CD46: variants seen among roughly 807,000 people sequenced by gnomAD.
CD46 encodes the protein CD46 molecule, also known as membrane cofactor protein.
A neutral mutation model predicts 53.3 loss-of-function variants in CD46; 30 were observed. That is an observed-to-expected ratio of 0.56 (90% confidence interval 0.42 to 0.76). The LOEUF is 0.76. CD46 is among the 30% of genes least tolerant of loss of function. CD46 has a pLI of 0.00. For missense variants in CD46, 409 were observed against 463.0 expected, an observed-to-expected ratio of 0.88 and a Z score of 1.07; for synonymous variants, 142 against 152.0, an observed-to-expected ratio of 0.93 and a Z score of 0.48.
chr1:207,770,915 C>T (rs911989112), intron 8 of CD46, among the ~76,000 whole-genome samples: 15 of 152,158 alleles, frequency 9.9e-5, no homozygotes, highest in African/African-American at 3.4e-4. Flanking sequence ...TGGGTATATA[C>T]CCAGTAAGGG....
Position 207,795,401 on chromosome 1 carries a change from G to GTATT in CD46, c.*1926_*1929dup, listed in dbSNP as rs1660168556. 1 of 152,176 alleles carries GTATT rather than the reference G, an allele frequency of 6.6e-6. No individual in the cohort carries two copies. Among genetic ancestry groups the GTATT allele is most frequent in the Admixed American group, 6.5e-5 (1 of 15,274 alleles). 9.4% of individuals were successfully genotyped at this position (152,176 alleles called of 1,614,324 possible). ...TCAAGAAAATTTAAGCTGCAAAAAT[G>GTATT]TATTTGCTATAAAATGAGAAGTCTC... is the stretch of plus-strand genomic sequence containing the variant. On this transcript the variant is annotated 3_prime_UTR_variant, in exon 13 of 13. Transcript: ENST00000367042.
rs1023894625 is a variant in CD46, at chr1:207,752,086, A to G, written c.-127A>G. The G allele has an allele frequency of 2.8e-5, 26 of 942,262 alleles. No individual in the cohort carries two copies. Among genetic ancestry groups the G allele is most frequent in the Non-Finnish European group, 4.3e-5 (25 of 581,754 alleles). 58.4% of individuals were successfully genotyped at this position (942,262 alleles called of 1,614,324 possible). ...GGGCCACGCCCACCTGTCCTGCAGC[A>G]CTGGATGCTTTGTGAGTTGGGGATT... On this transcript the variant is annotated 5_prime_UTR_variant, in exon 1 of 13. Coordinates refer to ENST00000367042, the MANE Select transcript of CD46 (RefSeq NM_172351.3). This position sits in a 1 kb window ranked among gnomAD's most constrained non-coding sequence, Gnocchi z 4.1.
At position 207,752,750 on chromosome 1, in the gene CD46, G is replaced by T. The variant is rs1655063534; in HGVS notation, c.97+441G>T. Reference sequence around the variant, plus strand: ...GTGAGTGGGGTGTTCATTAGGGCTTGGACAGTACCCGCGGTAAGGGTTGCA... The same window carrying T: ...GTGAGTGGGGTGTTCATTAGGGCTTTGACAGTACCCGCGGTAAGGGTTGCA... On this transcript the variant is annotated intron_variant, in intron 1 of 12. Coordinates refer to ENST00000367042, the MANE Select transcript of CD46 (RefSeq NM_172351.3). The surrounding 1 kb of genome is among the most constrained non-coding windows in gnomAD (Gnocchi z 4.1). Among the ~76,000 whole-genome samples the T allele has an allele frequency of 6.6e-6, 1 of 152,256 alleles. No homozygotes were observed. The highest frequency in any genetic ancestry group is 2.1e-4 in the South Asian group (1 of 4,816).
At chr1:207,784,513 C>A (rs1659087831) in intron 9 of CD46, among the ~76,000 whole-genome samples, 1 of 152,072 alleles carries the variant, frequency 6.6e-6, no homozygotes, top group South Asian at 2.1e-4. Context: ...CAAGTGGAAC[C>A]CTTAACCTGG....
Position 207,758,054 on chromosome 1 carries a change from C to T in CD46, c.389+412C>T, listed in dbSNP as rs190720324. Among the ~76,000 whole-genome samples, 18 of 152,272 alleles carry T rather than the reference C, an allele frequency of 1.2e-4. No homozygotes were observed. In the East Asian group the frequency reaches 2.9e-3, roughly 25 times the overall value. ...AAGTGTTATCAGACCAAAACTGACG[C>T]GGTTAGCCTTTACCATCATGTTGAT... On this transcript the variant is annotated intron_variant, in intron 3 of 12. Coordinates refer to ENST00000367042, the MANE Select transcript of CD46 (RefSeq NM_172351.3).
chr1:207,791,973 A>G (rs527653981), intron 12 of CD46, among the ~76,000 whole-genome samples: 4 of 152,292 alleles, frequency 2.6e-5, no homozygotes, highest in African/African-American at 9.6e-5. Flanking sequence ...TATGGGAAAA[A>G]AATATTTACT....
intron 8 of CD46, 98 bp from the exon 9 acceptor site, chr1:207,783,194 G>GAA: frequency 1.6e-6 from 1 of 636,940 alleles, no homozygotes; most frequent in Non-Finnish European, 2.8e-6. Flanking sequence ...CTACAAAGGT[G>GAA]AAAAAAAATC....
chr1:207,783,640 C>T (rs1007871849), intron 9 of CD46: 11 of 211,158 alleles, frequency 5.2e-5, no homozygotes, highest in Middle Eastern at 1.7e-3. Flanking sequence ...TGTAGGCTTA[C>T]GCAGTTTACA....
At chr1:207,767,521 A>C (rs934058543) in intron 6 of CD46, 4 of 1,100,692 alleles carry the variant, frequency 3.6e-6, no homozygotes, top group Admixed American at 1.7e-5. Context: ...TTATCTAAGT[A>C]AGTCAACAAT....
At chr1:207,755,484 G>T (rs1655428581) in intron 1 of CD46, among the ~76,000 whole-genome samples, 1 of 152,202 alleles carries the variant, frequency 6.6e-6, no homozygotes, top group South Asian at 2.1e-4. Context: ...CCCTCTCAAA[G>T]GTAGTTGCCA....
chr1:207,773,923 G>A (rs1215007447), intron 8 of CD46, among the ~76,000 whole-genome samples: 1 of 152,148 alleles, frequency 6.6e-6, no homozygotes, highest in Non-Finnish European at 1.5e-5. Context: ...GCTAGTTCAA[G>A]TCCTGGATAT....
At chr1:207,771,454 G>C (rs901669837) in intron 8 of CD46, among the ~76,000 whole-genome samples, 1 of 152,012 alleles carries the variant, frequency 6.6e-6, no homozygotes, top group African/African-American at 2.4e-5. Context: ...TGGTGTTTTA[G>C]TTATGAAGTA....
chr1:207,785,161 GC>G (rs1371807261), intron 10 of CD46, 55 bp downstream of exon 10: 1 of 1,329,504 alleles, frequency 7.5e-7, no homozygotes, highest in Non-Finnish European at 1.1e-6. Flanking sequence ...GTGAAGACAT[GC>G]ATTTTAAAAA....
At chr1:207,780,783 A>G (rs117992426) in intron 8 of CD46, among the ~76,000 whole-genome samples, 2 of 152,264 alleles carry the variant, frequency 1.3e-5, no homozygotes, top group East Asian at 3.9e-4. Context: ...GTGATAACAG[A>G]ATACCACAGA....
Position 207,758,260 on chromosome 1 carries a change from A to G in CD46, c.389+618A>G, listed in dbSNP as rs41317065. On this transcript the variant is annotated intron_variant, in intron 3 of 12. Coordinates refer to ENST00000367042, the MANE Select transcript of CD46 (RefSeq NM_172351.3). The stretch of plus-strand genomic sequence containing the variant: ...ATAGAGTAAATGTAAGTATTCTGCT[A>G]TAACAGAATACTTGAGGCTAGGCAT... Among the ~76,000 whole-genome samples, 516 of 152,330 alleles carry G rather than the reference A, an allele frequency of 3.4e-3. 3 individuals are homozygous for G. Among genetic ancestry groups the G allele is most frequent in the African/African-American group, 0.012 (490 of 41,568 alleles).
intron 5 of CD46, among the ~76,000 whole-genome samples, chr1:207,762,059 A>C (rs1656276433): frequency 6.6e-6 from 1 of 152,212 alleles, no homozygotes; most frequent in African/African-American, 2.4e-5. Context: ...AACTTCAGAA[A>C]ATTGAAATCA....
chr1:207,765,873 CATA>C (rs1281633652), intron 5 of CD46, among the ~76,000 whole-genome samples: 2 of 152,288 alleles, frequency 1.3e-5, no homozygotes, highest in East Asian at 3.9e-4. Flanking sequence ...CAGCCTTATT[CATA>C]ATCACCCCAA....
intron 8 of CD46, among the ~76,000 whole-genome samples, chr1:207,780,335 T>C (rs1350177191): frequency 6.6e-6 from 1 of 152,176 alleles, no homozygotes. Flanking sequence ...GCATAATGTT[T>C]TTAAGGTTCA....
In CD46 at chr1:207,781,756, G is replaced by A. The variant is rs556815430; in HGVS notation, c.944-1536G>A. 9.2e-5 allele frequency among the ~76,000 whole-genome samples: 14 copies of A among 152,206 alleles called. 1 individual carries two copies. In the South Asian group the frequency reaches 2.5e-3, roughly 27 times the overall value. On this transcript the variant is annotated intron_variant, in intron 8 of 12. Transcript: ENST00000367042. ...ATATATGCAGGGGTTTATTTCCGAG[G>A]TCTCTGTTCTATTCCATTGGTCTGT...
Sources: gnomAD v4.1 joint callset for allele counts (sites outside exome capture counted in the v4.1 genomes callset) on GRCh38, gnomAD v4.1.1 for gene constraint, Gnocchi (gnomAD v3.1) non-coding constraint, MANE v1.5 for transcripts, NCBI Gene and HGNC (gene_info 2026-07-23, HGNC 2026-07-21) for gene names.